The following PDXDC1 variants were observed in gnomAD, a reference collection of about 807,000 sequenced individuals.
The protein encoded by PDXDC1 is pyridoxal dependent decarboxylase domain containing 1, also known as pyridoxal-dependent decarboxylase domain-containing protein 1.
PDXDC1 carries 42 observed loss-of-function variants against 100.1 expected under a neutral mutation model. The ratio of observed to expected loss-of-function variants is 0.42; its 90% CI spans 0.33 to 0.54. The LOEUF is 0.54. PDXDC1 is among the 20% of genes least tolerant of loss of function. The pLI, the probability that PDXDC1 is intolerant of heterozygous loss-of-function variation, is 0.10. For synonymous variants in PDXDC1, 260 were observed against 371.7 expected, an observed-to-expected ratio of 0.70 and a Z score of 3.46; for missense variants, 636 against 979.2, an observed-to-expected ratio of 0.65 and a Z score of 4.68.
chr16:15,033,925 A>G (rs2043228700), intron 19 of PDXDC1, among the ~76,000 whole-genome samples: 1 of 152,202 alleles, frequency 6.6e-6, no homozygotes, highest in Non-Finnish European at 1.5e-5. Context: ...AGGAGAGAAG[A>G]GGGACCAAGG....
chr16:15,061,701 T>TG (rs767792530), intron 16 of PDXDC1: 7 of 1,581,544 alleles, frequency 4.4e-6, no homozygotes, highest in Non-Finnish European at 6.1e-6. Context: ...TGACAAGTGA[T>TG]GGGGAATCCC....
chr16:15,063,810 G>A (rs1402733684), intron 16 of PDXDC1, among the ~76,000 whole-genome samples: 1 of 151,610 alleles, frequency 6.6e-6, no homozygotes, highest in East Asian at 1.9e-4. Context: ...CACTCATGTC[G>A]ATGGAGTATT....
chr16:15,034,605 C>T (rs757498958), intron 21 of PDXDC1, 52 bp downstream of exon 21: 1 of 1,337,588 alleles, frequency 7.5e-7, no homozygotes, highest in South Asian at 1.2e-5. Context: ...GAGGTTTCAC[C>T]AAATGCCCTT....
downstream of PDXDC1, among the ~76,000 whole-genome samples, chr16:15,142,452 G>T (rs2048489944): frequency 6.6e-6 from 1 of 152,034 alleles, no homozygotes; most frequent in Non-Finnish European, 1.5e-5. Flanking sequence ...AGCTCCCAGG[G>T]CCCAGGGCAG....
At chr16:15,132,965 G>C in intron 16 of PDXDC1, 1 of 1,559,214 alleles carries the variant, frequency 6.4e-7, no homozygotes, top group Non-Finnish European at 8.7e-7. Flanking sequence ...GTGCAGTTAC[G>C]TGCTAGATGC....
At chr16:15,083,111 A>G (rs1217824623) in intron 16 of PDXDC1, among the ~76,000 whole-genome samples, 1 of 152,228 alleles carries the variant, frequency 6.6e-6, no homozygotes, top group African/African-American at 2.4e-5. Context: ...CTTTAAGAAA[A>G]AGACCTAACA....
intron 16 of PDXDC1, among the ~76,000 whole-genome samples, chr16:15,030,418 C>T (rs1463230727): frequency 2.2e-4 from 11 of 50,086 alleles, no homozygotes; most frequent in Non-Finnish European, 5.8e-4. Context: ...TGGTGGTACA[C>T]ACCTGCAGTC....
intron 15 of PDXDC1, chr16:15,029,518 C>T: frequency 2.9e-6 from 1 of 344,018 alleles, no homozygotes; most frequent in Admixed American, 4.6e-5. Context: ...TGAGAGACCA[C>T]AGAGCTGAGT....
chr16:15,095,863 T>TGC (rs1488679023), intron 16 of PDXDC1, among the ~76,000 whole-genome samples: 2 of 105,492 alleles, frequency 1.9e-5, no homozygotes, highest in African/African-American at 8.7e-5. Flanking sequence ...AAAAAAAAGG[T>TGC]GTGTGTGTGT....
chr16:15,078,392 C>T (rs2045554409), intron 16 of PDXDC1, among the ~76,000 whole-genome samples: 1 of 152,128 alleles, frequency 6.6e-6, no homozygotes, highest in Non-Finnish European at 1.5e-5. Context: ...AACCCTGCAC[C>T]AAGGTCTCTA....
At chr16:15,040,220 A>T, downstream of PDXDC1, 1 of 447,990 alleles carries the variant, frequency 2.2e-6, no homozygotes. Context: ...TGGAGGGGGA[A>T]AATGCAACCT....
In PDXDC1 at chr16:15,036,707, G is replaced by A. The variant is rs566836647; in HGVS notation, c.*432G>A. The stretch of plus-strand genomic sequence containing the variant: ...GAGACTGGCTGTATCCTTTGCTGTC[G>A]GTCTTTAGTACGATCAAGTTGCAAT... On this transcript the variant is annotated 3_prime_UTR_variant, in exon 23 of 23. Coordinates refer to ENST00000396410, the MANE Select transcript of PDXDC1 (RefSeq NM_015027.4). The A allele has an allele frequency of 1.7e-5, 3 of 180,960 alleles. No homozygotes were observed. The highest frequency in any genetic ancestry group is 1.2e-5 in the Non-Finnish European group (1 of 84,694). The allele number at this position is 180,960 out of a possible 1,614,324, so 11.2% of individuals were successfully genotyped here.
intron 16 of PDXDC1, among the ~76,000 whole-genome samples, chr16:15,096,524 A>G (rs550662524): frequency 6.6e-6 from 1 of 152,360 alleles, no homozygotes; most frequent in Admixed American, 6.5e-5. Context: ...TTGGACAGGA[A>G]TCATCTGTGT....
chr16:15,143,787 CAG>C (rs1292366230), downstream of PDXDC1, among the ~76,000 whole-genome samples: 2 of 152,216 alleles, frequency 1.3e-5, no homozygotes, highest in Admixed American at 6.5e-5. Context: ...AGACCTGCCT[CAG>C]AGCCTCACAC....
the PDXDC1 span, among the ~76,000 whole-genome samples, chr16:15,148,945 T>A: frequency 6.6e-6 from 1 of 152,196 alleles, no homozygotes; most frequent in Non-Finnish European, 1.5e-5. Flanking sequence ...TTTGGCGAGT[T>A]TGCATCCGTG....
At chr16:15,065,456 AC>A (rs2044929257) in intron 16 of PDXDC1, 1 of 1,151,774 alleles carries the variant, frequency 8.7e-7, no homozygotes, top group African/African-American at 1.5e-5. Flanking sequence ...TGACAACTGT[AC>A]CTACCACAGA....
chr16:15,101,971 C>A lies in PDXDC1; in HGVS notation c.1400-36908C>A, dbSNP rs529136223. Among the ~76,000 whole-genome samples the A allele has an allele frequency of 2.0e-5, 3 of 152,262 alleles. No individual in the cohort carries two copies. The South Asian group carries it at 6.2e-4, about 32-fold the overall frequency. ...TCAAGCGATTCTCCTGCCTCAGCCT[C>A]CCGAGTAGCTGGGATTACAGGTGCG... On this transcript the variant is annotated intron_variant, in intron 16 of 16. Transcript: ENST00000535621.
chr16:15,144,814 C>T, the PDXDC1 span, among the ~76,000 whole-genome samples: 4 of 152,180 alleles, frequency 2.6e-5, no homozygotes, highest in African/African-American at 4.8e-5. Context: ...AAAACACAGC[C>T]AGCTCAAAAA....
chr16:15,086,580 A>T, intron 16 of PDXDC1: 1 of 1,397,784 alleles, frequency 7.2e-7, no homozygotes, highest in Non-Finnish European at 9.7e-7. Flanking sequence ...CTTGGAAGGA[A>T]CTCAAAACTG....
Sources: gnomAD v4.1 joint callset for allele counts (sites outside exome capture counted in the v4.1 genomes callset) on GRCh38, gnomAD v4.1.1 for gene constraint, MANE v1.5 for transcripts, NCBI Gene and HGNC (gene_info 2026-07-23, HGNC 2026-07-21) for gene names.